Variants in TRDMT1 observed in about 807,000 individuals in gnomAD.
TRDMT1 encodes tRNA aspartic acid methyltransferase 1.
A neutral mutation model predicts 51.2 loss-of-function variants in TRDMT1; 49 were observed. That is an observed-to-expected ratio of 0.96 (90% confidence interval 0.76 to 1.21). The LOEUF is 1.21. TRDMT1 is among the 50% of genes most tolerant of loss of function. The pLI is 0.00. For missense variants in TRDMT1, 534 were observed against 462.3 expected, an observed-to-expected ratio of 1.16 and a Z score of -1.42; for synonymous variants, 187 against 164.6, an observed-to-expected ratio of 1.14 and a Z score of -1.04.
chr10:17,156,232 A>C (rs1839480955), intron 8 of TRDMT1, among the ~76,000 whole-genome samples: 1 of 151,840 alleles, frequency 6.6e-6, no homozygotes, highest in African/African-American at 2.4e-5. Context: ...TCCTTGGCAA[A>C]ATTTTTCTTT....
rs1841553286 is a variant in TRDMT1 at position 17,168,722 on chromosome 10, C to A, written c.251+119G>T. 1.2e-5 allele frequency: 8 copies of A among 667,342 alleles called. No homozygotes were observed. The East Asian group carries it at 2.3e-4, about 19-fold the overall frequency. 41.3% of individuals were successfully genotyped at this position (667,342 alleles called of 1,614,324 possible). On this transcript the variant is annotated intron_variant, in intron 3 of 10. Transcript: ENST00000377799. ...GCCATGATTGTGAGGTTTCCCTAGC[C>A]ACATGGAACTGTAAGTCTAGTAAAC... is the stretch of plus-strand genomic sequence containing the variant.
In TRDMT1 at chr10:17,143,617, T is replaced by C. The variant is rs1837858889; in HGVS notation, c.*5423A>G. 2.0e-6 allele frequency: 2 copies of C among 985,480 alleles called. No homozygotes were observed. The allele number at this position is 985,480 out of a possible 1,614,324, so 61.0% of individuals were successfully genotyped here. A position where few individuals can be genotyped will look rare whatever the true frequency, so the allele number is the denominator to read the frequency against. On this transcript the variant is annotated 3_prime_UTR_variant, in exon 11 of 11. Transcript: ENST00000377799. The stretch of plus-strand genomic sequence containing the variant: ...TTAGAAGGCTCAAATCTGTTAAATG[T>C]TGACATGTTTAACCAAGCACACAAA...
intron 3 of TRDMT1, among the ~76,000 whole-genome samples, chr10:17,165,818 G>T (rs1189087781): frequency 6.6e-6 from 1 of 152,182 alleles, no homozygotes; most frequent in African/African-American, 2.4e-5. Flanking sequence ...AAACTACAAT[G>T]AGATACCATC....
intron 10 of TRDMT1, chr10:17,151,705 G>A (rs893269935): frequency 1.1e-6 from 1 of 881,720 alleles, no homozygotes; most frequent in African/African-American, 1.8e-5. Flanking sequence ...TTTAAAAAAT[G>A]AGAAAAATAT....
Position 17,148,857 on chromosome 10 carries a change from A to C in TRDMT1, c.*183T>G. 1 of 1,208,554 alleles carries C rather than the reference A, an allele frequency of 8.3e-7. No individual in the cohort carries two copies. Among genetic ancestry groups the C allele is most frequent in the Non-Finnish European group, 1.1e-6 (1 of 940,590 alleles). 74.9% of individuals were successfully genotyped at this position (1,208,554 alleles called of 1,614,324 possible). On this transcript the variant is annotated 3_prime_UTR_variant, in exon 11 of 11. Transcript: ENST00000377799. Reference sequence around the variant, plus strand: ...GCATAACAATAGTTCGTATTTTATAAAATACAGTAATATAAATTTGATGAA... The same window carrying C: ...GCATAACAATAGTTCGTATTTTATACAATACAGTAATATAAATTTGATGAA...
At chr10:17,172,308 T>C (rs1390408317) in intron 2 of TRDMT1, among the ~76,000 whole-genome samples, 1 of 152,094 alleles carries the variant, frequency 6.6e-6, no homozygotes, top group African/African-American at 2.4e-5. Context: ...CACTGGAAAG[T>C]ATTAAAAGAA....
intron 2 of TRDMT1, 48 bp downstream of exon 2, chr10:17,174,503 T>C (rs747615909): frequency 7.5e-7 from 1 of 1,334,698 alleles, no homozygotes; most frequent in Non-Finnish European, 1.1e-6. Flanking sequence ...TGTTTTTCAA[T>C]CACATTTCCC....
chr10:17,174,625 C>T lies in TRDMT1; in HGVS notation c.100G>A (p.Asp34Asn). 1 of 1,613,994 alleles carries T rather than the reference C, an allele frequency of 6.2e-7. No individual in the cohort carries two copies. The highest frequency in any genetic ancestry group is 2.2e-5 in the East Asian group (1 of 44,862). ...ACTTCATTAGCGACAGTGTTGACATCAATGGCAGCCACCACTTGTGCAGGT... is the reference window on the plus strand; with the variant it reads ...ACTTCATTAGCGACAGTGTTGACATTAATGGCAGCCACCACTTGTGCAGGT... ...CIPAQVVAAI[D>N]VNTVANEVYK... The change falls in exon 2 of 11, where the codon GAT (aspartate) becomes AAT (asparagine). Residue 34 changes from aspartate (D) to asparagine (N), a missense_variant. Physicochemically the swap from Asp to Asn is conservative, Grantham distance 23 (BLOSUM62 1). Transcript: ENST00000377799.
At position 17,139,485 on chromosome 10, in the gene TRDMT1, G is replaced by A. The variant is rs1471921525; in HGVS notation, c.*9555C>T. On this transcript the variant is annotated 3_prime_UTR_variant, in exon 11 of 11. Coordinates refer to ENST00000377799, the MANE Select transcript of TRDMT1 (RefSeq NM_004412.7). ...GAGGTGAGGATGTCACCACCGATGG[G>A]GGGAAGAAAAAAACAGTTTGGTTCT... Among the ~76,000 whole-genome samples, 2 of 151,862 alleles carry A rather than the reference G, an allele frequency of 1.3e-5. No individual in the cohort carries two copies. Among genetic ancestry groups the A allele is most frequent in the Admixed American group, 1.3e-4 (2 of 15,250 alleles).
At chr10:17,166,178 A>C (rs954765531) in intron 3 of TRDMT1, among the ~76,000 whole-genome samples, 11 of 152,128 alleles carry the variant, frequency 7.2e-5, no homozygotes, top group African/African-American at 2.7e-4. Context: ...ACACCATGGA[A>C]TACTATGCAG....
Position 17,144,787 on chromosome 10 carries a change from AAAC to A in TRDMT1, c.*4250_*4252del, listed in dbSNP as rs1453820779. On this transcript the variant is annotated 3_prime_UTR_variant, in exon 11 of 11. Coordinates refer to ENST00000377799, the MANE Select transcript of TRDMT1 (RefSeq NM_004412.7). ...GCCTAAAGAGAGAAACGGAAGCTAG[AAAC>A]AACAACAACAAAAAATACTTTTTCT... The A allele has an allele frequency of 3.3e-5, 33 of 985,228 alleles. No individual in the cohort carries two copies. The South Asian group carries it at 8.9e-4, about 27-fold the overall frequency. 61.0% of individuals were successfully genotyped at this position (985,228 alleles called of 1,614,324 possible).
At chr10:17,156,240 T>C (rs932085545) in intron 8 of TRDMT1, among the ~76,000 whole-genome samples, 3 of 141,792 alleles carry the variant, frequency 2.1e-5, no homozygotes, top group South Asian at 2.2e-4. Flanking sequence ...AAAATTTTTC[T>C]TTTTTTTTTT....
intron 2 of TRDMT1, among the ~76,000 whole-genome samples, chr10:17,170,364 G>A (rs1467779532): frequency 6.6e-6 from 1 of 152,098 alleles, no homozygotes; most frequent in Non-Finnish European, 1.5e-5. Context: ...TATTTTTAAT[G>A]ACTAAATATT....
Position 17,143,796 on chromosome 10 carries a change from G to A in TRDMT1, c.*5244C>T. On this transcript the variant is annotated 3_prime_UTR_variant, in exon 11 of 11. Coordinates refer to ENST00000377799, the MANE Select transcript of TRDMT1 (RefSeq NM_004412.7). ...GCAGAGTGAGAAGGAAGGTGAAGAT[G>A]ATCTTTGGTTATGAAGCTTGAACTT... is the stretch of plus-strand genomic sequence containing the variant. The A allele has an allele frequency of 1.0e-6, 1 of 985,404 alleles. No homozygotes were observed. Among genetic ancestry groups the A allele is most frequent in the Non-Finnish European group, 1.2e-6 (1 of 829,914 alleles). The allele number at this position is 985,404 out of a possible 1,614,324, so 61.0% of individuals were successfully genotyped here. A position where few individuals can be genotyped will look rare whatever the true frequency, so the allele number is the denominator to read the frequency against.
rs538875445 is a variant in TRDMT1 at position 17,163,047 on chromosome 10, G to C, written c.252-810C>G. On this transcript the variant is annotated intron_variant, in intron 3 of 10. Transcript: ENST00000377799. The stretch of plus-strand genomic sequence containing the variant: ...TAGCAACCCGAAGCTAATGGCACTG[G>C]TGGCCAATCTAAGCCAATCAAAGCA... 3.9e-4 allele frequency among the ~76,000 whole-genome samples: 59 copies of C among 152,024 alleles called. No homozygotes were observed. In the South Asian group the frequency reaches 0.012, roughly 32 times the overall value.
chr10:17,146,118 T>C lies in TRDMT1; in HGVS notation c.*2922A>G, dbSNP rs1838084559. 2.0e-6 allele frequency: 2 copies of C among 985,460 alleles called. No individual in the cohort carries two copies. Among genetic ancestry groups the C allele is most frequent in the Admixed American group, 1.2e-4 (2 of 16,288 alleles). The allele number at this position is 985,460 out of a possible 1,614,324, so 61.0% of individuals were successfully genotyped here. On this transcript the variant is annotated 3_prime_UTR_variant, in exon 11 of 11. Coordinates refer to ENST00000377799, the MANE Select transcript of TRDMT1 (RefSeq NM_004412.7). ...CAGGGCAACTTAAAAGCCTCTCTACTAAATAACTTTACCTCTTTGAAAAGT... is the reference window on the plus strand; with the variant it reads ...CAGGGCAACTTAAAAGCCTCTCTACCAAATAACTTTACCTCTTTGAAAAGT...
chr10:17,178,548 C>T (rs369747503), intron 1 of TRDMT1, among the ~76,000 whole-genome samples: 5 of 151,756 alleles, frequency 3.3e-5, no homozygotes, highest in East Asian at 1.9e-4. Flanking sequence ...TGGTGGCACA[C>T]GCCTGTAATC....
At position 17,159,165 on chromosome 10, in the gene TRDMT1, G is replaced by A. The variant is rs1213106687; in HGVS notation, c.524C>T (p.Pro175Leu). 8.1e-6 allele frequency: 13 copies of A among 1,601,182 alleles called. No individual in the cohort carries two copies. The highest frequency in any genetic ancestry group is 1.1e-5 in the Non-Finnish European group (13 of 1,173,664). The change falls in exon 7 of 11, where the codon CCC becomes CTC. Residue 175 changes from proline (P) to leucine (L), a missense_variant. Coordinates refer to ENST00000377799, the MANE Select transcript of TRDMT1 (RefSeq NM_004412.7). ...LIAKLQSEPL[P>L]FQAPGQVLME... The stretch of plus-strand genomic sequence containing the variant: ...TAATACCTGACCAGGGGCTTGAAAG[G>A]GTAATGGCTCTGACTGAAGCTTTGC...
intron 1 of TRDMT1, among the ~76,000 whole-genome samples, chr10:17,192,191 G>A (rs746824205): frequency 2.6e-5 from 4 of 152,176 alleles, no homozygotes; most frequent in African/African-American, 7.2e-5. Flanking sequence ...TGTAGAACTG[G>A]CTGATGTGGG....
Sources: gnomAD v4.1 joint callset for allele counts (sites outside exome capture counted in the v4.1 genomes callset) on GRCh38, gnomAD v4.1.1 for gene constraint, MANE v1.5 for transcripts, NCBI Gene and HGNC (gene_info 2026-07-23, HGNC 2026-07-21) for gene names.